The following CELF2 variants were observed in gnomAD, a reference collection of about 807,000 sequenced individuals.
The protein encoded by CELF2 is CUG triplet repeat RNA-binding protein 2.
In CELF2, 8 loss-of-function variants were observed where a neutral mutation model predicts 62.6. That is an observed-to-expected ratio of 0.13 (90% CI 0.07 to 0.23). CELF2 has a LOEUF of 0.23. Among genes scored for constraint, CELF2 ranks in the 10% least tolerant of loss-of-function variants. The pLI, the probability that CELF2 is intolerant of heterozygous loss-of-function variation, is 1.00. For missense variants in CELF2, 333 were observed against 671.0 expected, an observed-to-expected ratio of 0.50 and a Z score of 5.56; for synonymous variants, 258 against 250.0, an observed-to-expected ratio of 1.03 and a Z score of -0.30.
the CELF2 span, among the ~76,000 whole-genome samples, chr10:10,699,145 A>G: frequency 1.3e-5 from 2 of 152,192 alleles, no homozygotes; most frequent in Non-Finnish European, 2.9e-5. Flanking sequence ...AAAACAGTAG[A>G]TGTAAAAGAT....
At chr10:11,127,292 A>G (rs1374030751) in intron 1 of CELF2, among the ~76,000 whole-genome samples, 1 of 152,162 alleles carries the variant, frequency 6.6e-6, no homozygotes, top group African/African-American at 2.4e-5. Context: ...CCAGTCTATC[A>G]TTGATGGAGA....
intron 1 of CELF2, among the ~76,000 whole-genome samples, chr10:11,038,331 A>G (rs1190563252): frequency 6.6e-6 from 1 of 152,188 alleles, no homozygotes; most frequent in East Asian, 1.9e-4. Context: ...AAGAGAAAAA[A>G]TGCTTCTAAG....
the CELF2 span, among the ~76,000 whole-genome samples, chr10:10,783,995 A>T: frequency 0.033 from 5,090 of 152,262 alleles, 180 homozygotes; most frequent in African/African-American, 0.079. Context: ...CCAAAAAAAA[A>T]AAATAAATAA....
intron 1 of CELF2, among the ~76,000 whole-genome samples, chr10:11,125,089 G>C (rs2131603262): frequency 6.6e-6 from 1 of 152,300 alleles, no homozygotes; most frequent in Admixed American, 6.5e-5. Context: ...CATTAAGTAT[G>C]ATGGTTTCAG....
intron 7 of CELF2, among the ~76,000 whole-genome samples, chr10:11,274,801 C>G (rs192879723): frequency 1.3e-5 from 2 of 152,134 alleles, no homozygotes; most frequent in Admixed American, 6.6e-5. Context: ...GATCTAACAC[C>G]TGGTTGTTAA....
chr10:11,061,122 C>T (rs1286838703), intron 1 of CELF2, among the ~76,000 whole-genome samples: 1 of 152,186 alleles, frequency 6.6e-6, no homozygotes, highest in Non-Finnish European at 1.5e-5. Context: ...TCTGTTGGAC[C>T]AAGCATTCTA....
chr10:11,272,531 G>C (rs376235095), intron 7 of CELF2, among the ~76,000 whole-genome samples: 1 of 152,186 alleles, frequency 6.6e-6, no homozygotes, highest in Non-Finnish European at 1.5e-5. Flanking sequence ...CTTCTAGCAC[G>C]TCTCCTGTGC....
Position 11,288,542 on chromosome 10 carries a change from C to T in CELF2, c.966C>T (p.Leu322=), listed in dbSNP as rs368448123. Residue 322 remains leucine (L), a synonymous_variant, in exon 9 of 13, where the codon CTC becomes CTT. Coordinates refer to ENST00000633077, the MANE Select transcript of CELF2 (RefSeq NM_001326342.2). The part of the protein sequence containing the change: ...LSTTSSALGA[L]TSPVAASTPN... ...CCACGAGCAGCGCCCTGGGAGCCCT[C>T]ACGAGTCCCGGTGAGTGTGGGGGGT... 1 of 1,613,788 alleles carries T rather than the reference C, an allele frequency of 6.2e-7. No homozygotes were observed. The highest frequency in any genetic ancestry group is 8.5e-7 in the Non-Finnish European group (1 of 1,179,970).
chr10:10,741,240 C>T, the CELF2 span, among the ~76,000 whole-genome samples: 8 of 152,062 alleles, frequency 5.3e-5, no homozygotes, highest in East Asian at 3.9e-4. Context: ...AGGCCGGGTG[C>T]GGTGGCTCAC....
At chr10:10,567,903 C>G in the CELF2 span, among the ~76,000 whole-genome samples, 1 of 152,108 alleles carries the variant, frequency 6.6e-6, no homozygotes, top group Non-Finnish European at 1.5e-5. Flanking sequence ...TTCATTCATT[C>G]AACAGATATT....
chr10:10,836,651 A>AT (rs1205049851), intron 1 of CELF2, among the ~76,000 whole-genome samples: 2 of 151,896 alleles, frequency 1.3e-5, no homozygotes, highest in East Asian at 1.9e-4. Context: ...ATTTTATTTT[A>AT]TTTTTTTTGA....
intron 1 of CELF2, among the ~76,000 whole-genome samples, chr10:11,136,785 C>T (rs980246063): frequency 6.6e-6 from 1 of 152,134 alleles, no homozygotes; most frequent in Non-Finnish European, 1.5e-5. Flanking sequence ...TTCCATCCTA[C>T]TTCTAGTGTT....
the CELF2 span, among the ~76,000 whole-genome samples, chr10:10,579,537 G>A: frequency 6.6e-6 from 1 of 152,066 alleles, no homozygotes; most frequent in African/African-American, 2.4e-5. Context: ...TATACCATTG[G>A]AGTTAGGATG....
At chr10:11,259,879 T>G (rs144939693) in intron 5 of CELF2, among the ~76,000 whole-genome samples, 1 of 152,364 alleles carries the variant, frequency 6.6e-6, no homozygotes, top group East Asian at 1.9e-4. Flanking sequence ...CATATTTTTG[T>G]GATTCCTTTT....
chr10:10,953,488 G>T (rs1455879702), intron 2 of CELF2, among the ~76,000 whole-genome samples: 2 of 152,114 alleles, frequency 1.3e-5, no homozygotes, highest in Non-Finnish European at 2.9e-5. Context: ...CTTCAAGACT[G>T]CTGTTATAAA....
chr10:11,140,497 C>T (rs2061162928), intron 1 of CELF2, among the ~76,000 whole-genome samples: 1 of 152,070 alleles, frequency 6.6e-6, no homozygotes, highest in Admixed American at 6.6e-5. Context: ...CGTCCATCCA[C>T]CTTTAGCGTC....
At chr10:10,484,752 G>C in the CELF2 span, among the ~76,000 whole-genome samples, 1 of 151,978 alleles carries the variant, frequency 6.6e-6, no homozygotes, top group Non-Finnish European at 1.5e-5. Context: ...AATAGATGAT[G>C]AACCTAAAAA....
At chr10:10,633,575 G>A in the CELF2 span, among the ~76,000 whole-genome samples, 16 of 151,806 alleles carry the variant, frequency 1.1e-4, no homozygotes, top group Admixed American at 7.2e-4. Context: ...GTTTGTCATC[G>A]ACTTTTTTAT....
At chr10:10,603,811 T>A in the CELF2 span, among the ~76,000 whole-genome samples, 26 of 140,630 alleles carry the variant, frequency 1.8e-4, no homozygotes, top group African/African-American at 6.4e-4. Context: ...ACACACACAC[T>A]GTCCTTGAAA....
Sources: gnomAD v4.1 joint callset for allele counts (sites outside exome capture counted in the v4.1 genomes callset) on GRCh38, gnomAD v4.1.1 for gene constraint, MANE v1.5 for transcripts, NCBI Gene and HGNC (gene_info 2026-07-23, HGNC 2026-07-21) for gene names.